FOLH1: variants seen among roughly 807,000 people sequenced by gnomAD.
The protein encoded by FOLH1 is folate hydrolase 1.
Under a neutral mutation model 93.9 loss-of-function variants are expected in FOLH1, and 54 were observed. That is an observed-to-expected ratio of 0.57 (90% confidence interval 0.46 to 0.72). The LOEUF (loss-of-function observed/expected upper bound fraction) is 0.72, where lower values mean the gene tolerates loss of function less well. Ranked by LOEUF, FOLH1 falls within the 30% of genes least tolerant of loss-of-function variation. The pLI, the probability that FOLH1 is intolerant of heterozygous loss-of-function variation, is 0.00. For missense variants in FOLH1, 571 were observed against 892.5 expected (o/e 0.64, Z 4.59); for synonymous variants, 249 against 303.6 (o/e 0.82, Z 1.87).
intron 2 of FOLH1, among the ~76,000 whole-genome samples, chr11:49,202,844 T>G (rs564631578): frequency 4.1e-4 from 62 of 152,304 alleles, no homozygotes; most frequent in Admixed American, 8.5e-4. Context: ...TGCAGTGAGC[T>G]ATGATTGTGC....
intron 4 of FOLH1, among the ~76,000 whole-genome samples, chr11:49,188,153 T>G (rs1161904955): frequency 6.6e-6 from 1 of 152,204 alleles, no homozygotes; most frequent in African/African-American, 2.4e-5. Context: ...AGTATATCTT[T>G]ATAAGTCAAA....
intron 8 of FOLH1, among the ~76,000 whole-genome samples, chr11:49,175,308 T>A (rs1198858078): frequency 6.6e-6 from 1 of 151,998 alleles, no homozygotes; most frequent in East Asian, 1.9e-4. Flanking sequence ...GAGCAGGCAA[T>A]AGTTTATAAA....
At chr11:49,195,079 C>CA (rs1003598329) in intron 3 of FOLH1, among the ~76,000 whole-genome samples, 2 of 151,978 alleles carry the variant, frequency 1.3e-5, no homozygotes, top group African/African-American at 4.8e-5. Flanking sequence ...TGTACAAATA[C>CA]AAAATATTAA....
Position 49,208,356 on chromosome 11 carries a change from C to A in FOLH1, c.54G>T (p.Pro18=). ...CCAGCGCCCCAGCGCACAGCCAGCG[C>A]GGGCGGCGCGCGGTGGCCACAGCCG... ...TDSAVATARR[P]RWLCAGALVL... The change falls in exon 1 of 19, where the codon CCG becomes CCT. Residue 18 remains proline, a synonymous_variant. Coordinates refer to ENST00000256999, the MANE Select transcript of FOLH1 (RefSeq NM_004476.3). 1.2e-6 allele frequency: 2 copies of A among 1,601,808 alleles called. No homozygotes were observed. Among genetic ancestry groups the A allele is most frequent in the Non-Finnish European group, 1.7e-6 (2 of 1,173,196 alleles).
At chr11:49,198,269 C>T (rs936348459) in intron 3 of FOLH1, among the ~76,000 whole-genome samples, 13 of 152,052 alleles carry the variant, frequency 8.5e-5, no homozygotes, top group African/African-American at 3.1e-4. Flanking sequence ...ATAACGAGGT[C>T]AGCAGATCGA....
intron 9 of FOLH1, among the ~76,000 whole-genome samples, chr11:49,173,851 C>T (rs188798571): frequency 3.9e-4 from 59 of 152,166 alleles, no homozygotes; most frequent in Middle Eastern, 3.4e-3. Flanking sequence ...GGAAGTTCTC[C>T]AATTCCTATT....
At chr11:49,176,490 T>C (rs1860055698) in intron 7 of FOLH1, among the ~76,000 whole-genome samples, 1 of 152,226 alleles carries the variant, frequency 6.6e-6, no homozygotes, top group East Asian at 1.9e-4. Flanking sequence ...GACCACCCAG[T>C]ATATGCCATG....
At chr11:49,168,629 C>A (rs1253864829) in intron 12 of FOLH1, among the ~76,000 whole-genome samples, 3 of 152,098 alleles carry the variant, frequency 2.0e-5, no homozygotes, top group Admixed American at 2.0e-4. Context: ...CGCCACCACG[C>A]CCGGCTAATT....
At chr11:49,173,154 C>T (rs1212309587) in intron 10 of FOLH1, among the ~76,000 whole-genome samples, 1 of 152,012 alleles carries the variant, frequency 6.6e-6, no homozygotes, top group South Asian at 2.1e-4. Flanking sequence ...TCACTTAATA[C>T]ATAAATATCA....
intron 2 of FOLH1, among the ~76,000 whole-genome samples, chr11:49,204,632 A>G (rs182168): frequency 0.32 from 49,353 of 152,004 alleles, 9,382 homozygotes; most frequent in African/African-American, 0.53. Context: ...TCTCACATTT[A>G]AAACGGCCCT....
At chr11:49,160,963 C>T (rs890564806) in intron 13 of FOLH1, among the ~76,000 whole-genome samples, 1 of 152,098 alleles carries the variant, frequency 6.6e-6, no homozygotes, top group African/African-American at 2.4e-5. Flanking sequence ...ATTTCTTACT[C>T]TTGATTTTGA....
chr11:49,151,995 C>T (rs1161841746), intron 17 of FOLH1, among the ~76,000 whole-genome samples: 3 of 151,816 alleles, frequency 2.0e-5, no homozygotes, highest in African/African-American at 7.3e-5. Flanking sequence ...TCATTAATTC[C>T]CTTAAAGTTT....
chr11:49,169,426 A>C (rs1394053609), intron 11 of FOLH1, among the ~76,000 whole-genome samples, 168 bp from the exon 12 acceptor site: 4 of 152,180 alleles, frequency 2.6e-5, no homozygotes, highest in Non-Finnish European at 5.9e-5. Flanking sequence ...AAAGAATTTC[A>C]ATAAAGATTA....
intron 11 of FOLH1, among the ~76,000 whole-genome samples, chr11:49,170,917 A>T (rs895677928): frequency 6.6e-6 from 1 of 152,196 alleles, no homozygotes; most frequent in Non-Finnish European, 1.5e-5. Context: ...GGTTTCTAGC[A>T]TATCTACTTA....
In FOLH1 at chr11:49,186,624, A is replaced by C. The variant is rs1466609847; in HGVS notation, c.639+20T>G. Reference sequence around the variant, plus strand: ...TTTTTACATTGGGGGAGAGAAAAAAAGAGATAATTTTTACCTTACCTTATT... The same window carrying C: ...TTTTTACATTGGGGGAGAGAAAAAACGAGATAATTTTTACCTTACCTTATT... On this transcript the variant is annotated intron_variant, in intron 5 of 18. Coordinates refer to ENST00000256999, the MANE Select transcript of FOLH1 (RefSeq NM_004476.3). The C allele has an allele frequency of 1.9e-6, 3 of 1,605,344 alleles. No homozygotes were observed. In the African/African-American group the frequency reaches 4.0e-5, roughly 22 times the overall value.
At chr11:49,166,020 G>A (rs186279136) in intron 12 of FOLH1, among the ~76,000 whole-genome samples, 1 of 152,238 alleles carries the variant, frequency 6.6e-6, no homozygotes, top group Admixed American at 6.5e-5. Context: ...AAAAAAGCAT[G>A]CAAATAAAAT....
At position 49,188,420 on chromosome 11, in the gene FOLH1, T is replaced by A. The variant is rs878897345; in HGVS notation, c.514-1651A>T. Among the ~76,000 whole-genome samples, 5 of 149,336 alleles carry A rather than the reference T, an allele frequency of 3.3e-5. No individual in the cohort carries two copies. In the East Asian group the frequency reaches 9.9e-4, roughly 30 times the overall value. On this transcript the variant is annotated intron_variant, in intron 4 of 18. Coordinates refer to ENST00000256999, the MANE Select transcript of FOLH1 (RefSeq NM_004476.3). ...TCCCAGCTACTCGGGGGCTGAGGTA[T>A]GAGAATTGCTTGAACACGGGAGGTG...
intron 13 of FOLH1, among the ~76,000 whole-genome samples, chr11:49,160,732 A>G (rs368061717): frequency 3.3e-5 from 5 of 152,212 alleles, no homozygotes; most frequent in South Asian, 2.1e-4. Flanking sequence ...GTGAGCCACC[A>G]CACCTGGCCA....
intron 7 of FOLH1, among the ~76,000 whole-genome samples, chr11:49,178,870 A>G (rs1038537218): frequency 1.8e-4 from 27 of 152,192 alleles, no homozygotes; most frequent in African/African-American, 6.3e-4. Context: ...TTTTGATTTG[A>G]CAATTTGGAG....
Sources: gnomAD v4.1 joint callset for allele counts (sites outside exome capture counted in the v4.1 genomes callset) on GRCh38, gnomAD v4.1.1 for gene constraint, MANE v1.5 for transcripts, NCBI Gene and HGNC (gene_info 2026-07-23, HGNC 2026-07-21) for gene names.